The following PCNP variants were observed in gnomAD, a reference collection of about 807,000 sequenced individuals.
PCNP encodes the protein PEST proteolytic signal-containing nuclear protein.
Under a neutral mutation model 21.8 loss-of-function variants are expected in PCNP, and 6 were observed. The ratio of observed to expected loss-of-function variants is 0.28; its 90% CI spans 0.15 to 0.54. PCNP has a LOEUF of 0.54. Among genes scored for constraint, PCNP ranks in the 20% least tolerant of loss-of-function variants. The pLI, the probability that PCNP is intolerant of heterozygous loss-of-function variation, is 0.95. For synonymous variants in PCNP, 67 were observed against 73.2 expected (o/e 0.92, Z 0.43); for missense variants, 161 against 215.5 (o/e 0.75, Z 1.58).
At chr3:101,587,689 A>C (rs1935604810) in intron 3 of PCNP, among the ~76,000 whole-genome samples, 1 of 151,490 alleles carries the variant, frequency 6.6e-6, no homozygotes, top group Non-Finnish European at 1.5e-5. Context: ...GGAAGACCTG[A>C]ATTAAGTTTG....
At chr3:101,592,423 C>T (rs1935864039) in intron 4 of PCNP, among the ~76,000 whole-genome samples, 1 of 150,304 alleles carries the variant, frequency 6.7e-6, no homozygotes, top group Non-Finnish European at 1.5e-5. Flanking sequence ...ATCCACCTGC[C>T]TCGACCTCCC....
Position 101,592,792 on chromosome 3 carries a change from T to A in PCNP, c.*39T>A, listed in dbSNP as rs1935881975. On this transcript the variant is annotated 3_prime_UTR_variant, in exon 5 of 5. Coordinates refer to ENST00000265260, the MANE Select transcript of PCNP (RefSeq NM_020357.3). ...ATTGGGGTGTGGGGTGGGTGTAAAG[T>A]TAAAAGGAACAGTTTCCTTTTTTAA... 6.3e-6 allele frequency: 10 copies of A among 1,584,480 alleles called. No individual in the cohort carries two copies. The highest frequency in any genetic ancestry group is 8.6e-6 in the Non-Finnish European group (10 of 1,166,436).
At chr3:101,575,999 C>G (rs1026977617) in intron 1 of PCNP, among the ~76,000 whole-genome samples, 2 of 152,094 alleles carry the variant, frequency 1.3e-5, no homozygotes, top group Non-Finnish European at 2.9e-5. Context: ...GAAAGTAGTG[C>G]TGTTAAGTTT....
In PCNP at chr3:101,593,290, G is replaced by GTATT. The variant is rs1935909464; in HGVS notation, c.*538_*541dup. On this transcript the variant is annotated 3_prime_UTR_variant, in exon 5 of 5. Coordinates refer to ENST00000265260, the MANE Select transcript of PCNP (RefSeq NM_020357.3). ...TTTGTTTCAAGTCATCATAAACTAGGTATTGCATTGCTATCCGTGGATACA... is the reference window on the plus strand; with the variant it reads ...TTTGTTTCAAGTCATCATAAACTAGGTATTTATTGCATTGCTATCCGTGGATACA... The GTATT allele has an allele frequency of 6.6e-6, 1 of 152,476 alleles. No individual in the cohort carries two copies. The highest frequency in any genetic ancestry group is 1.5e-5 in the Non-Finnish European group (1 of 67,986). 9.4% of individuals were successfully genotyped at this position (152,476 alleles called of 1,614,324 possible).
intron 2 of PCNP, among the ~76,000 whole-genome samples, chr3:101,582,993 T>C (rs1390842840): frequency 1.3e-5 from 2 of 152,204 alleles, no homozygotes; most frequent in African/African-American, 4.8e-5. Context: ...CTTAGAAGCA[T>C]CACTATGGTA....
chr3:101,586,545 C>CGTGTGTGTCTGTGTGTGTGTGT (rs1935517694), intron 3 of PCNP, among the ~76,000 whole-genome samples: 1 of 99,826 alleles, frequency 1.0e-5, no homozygotes, highest in African/African-American at 3.1e-5. Context: ...GGCGTATATT[C>CGTGTGTGTCTGTGTGTGTGTGT]GTGTGTGTGT....
intron 3 of PCNP, chr3:101,589,986 G>A (rs1382898642): frequency 6.3e-6 from 3 of 478,454 alleles, no homozygotes; most frequent in Non-Finnish European, 1.1e-5. Context: ...GTTCTAGAAT[G>A]TTTGTTTTTT....
intron 1 of PCNP, among the ~76,000 whole-genome samples, chr3:101,577,184 G>A (rs1290027474): frequency 6.6e-6 from 1 of 152,206 alleles, no homozygotes; most frequent in Non-Finnish European, 1.5e-5. Flanking sequence ...TTAAATAATA[G>A]GGTAAAATTG....
chr3:101,580,531 T>C (rs997977971), intron 2 of PCNP, among the ~76,000 whole-genome samples: 3 of 152,166 alleles, frequency 2.0e-5, no homozygotes, highest in Admixed American at 2.0e-4. Flanking sequence ...AAAAATAATA[T>C]TGAGCAATCA....
chr3:101,579,960 A>G lies in PCNP; in HGVS notation c.235A>G (p.Thr79Ala), dbSNP rs140422252. 1 of 1,613,898 alleles carries G rather than the reference A, an allele frequency of 6.2e-7. No homozygotes were observed. Among genetic ancestry groups the G allele is most frequent in the Non-Finnish European group, 8.5e-7 (1 of 1,179,870 alleles). Residue 79 changes from threonine (T) to alanine (A), a missense_variant, in exon 2 of 5, where the codon ACG (threonine) becomes GCG (alanine). By Grantham distance (58) the Thr-to-Ala change is moderately conservative. This residue lies in a region of PCNP where 66 missense variants were observed against 127.8 expected (regional missense o/e 0.52). Transcript: ENST00000265260. Reference sequence around the variant, plus strand: ...GTTTGGATTTGCCATAGGTAGTCAGACGACAAAGAAAGCATCAGCCATATC... The same window carrying G: ...GTTTGGATTTGCCATAGGTAGTCAGGCGACAAAGAAAGCATCAGCCATATC... ...SKFGFAIGSQ[T>A]TKKASAISIK... is the part of the protein sequence containing the mutation.
Position 101,592,829 on chromosome 3 carries a change from A to C in PCNP, c.*76A>C, listed in dbSNP as rs1320356101. 4 of 1,325,306 alleles carry C rather than the reference A, an allele frequency of 3.0e-6. No homozygotes were observed. Among genetic ancestry groups the C allele is most frequent in the Non-Finnish European group, 4.0e-6 (4 of 988,914 alleles). 82.1% of individuals were successfully genotyped at this position (1,325,306 alleles called of 1,614,324 possible). A position where few individuals can be genotyped will look rare whatever the true frequency, so the allele number is the denominator to read the frequency against. On this transcript the variant is annotated 3_prime_UTR_variant, in exon 5 of 5. Transcript: ENST00000265260. ...GTTTCCTTTTTTAAAGAATGGTATAAGACTATCTTTGGAGCCGCTTTTTTT... is the reference window on the plus strand; with the variant it reads ...GTTTCCTTTTTTAAAGAATGGTATACGACTATCTTTGGAGCCGCTTTTTTT...
chr3:101,575,204 A>G (rs1934805913), intron 1 of PCNP, among the ~76,000 whole-genome samples: 1 of 152,162 alleles, frequency 6.6e-6, no homozygotes, highest in Non-Finnish European at 1.5e-5. Context: ...ATGTTTTTAG[A>G]ACATTTTAAA....
chr3:101,583,960 G>A (rs191615382), intron 2 of PCNP, among the ~76,000 whole-genome samples: 4 of 151,828 alleles, frequency 2.6e-5, no homozygotes, highest in South Asian at 2.1e-4. Flanking sequence ...CCCTGTGCCC[G>A]GCTAGGTGAT....
At chr3:101,589,515 A>G (rs1935698197) in intron 3 of PCNP, among the ~76,000 whole-genome samples, 1 of 151,966 alleles carries the variant, frequency 6.6e-6, no homozygotes, top group Non-Finnish European at 1.5e-5. Flanking sequence ...AATTCAAGCA[A>G]TTCTCCTGCC....
At chr3:101,578,716 C>T (rs962078769) in intron 1 of PCNP, among the ~76,000 whole-genome samples, 4 of 152,264 alleles carry the variant, frequency 2.6e-5, no homozygotes, top group Admixed American at 2.6e-4. Context: ...TAATCCTTTA[C>T]TTGTCAGTCT....
rs1367321423 is a variant in PCNP at position 101,594,407 on chromosome 3, A to G, written c.*1654A>G. ...AGAAATGACTGAGATGAATGTCTTTACTAAAGTACCAATAAATTTGTCAAA... is the reference window on the plus strand; with the variant it reads ...AGAAATGACTGAGATGAATGTCTTTGCTAAAGTACCAATAAATTTGTCAAA... On this transcript the variant is annotated 3_prime_UTR_variant, in exon 5 of 5. Transcript: ENST00000265260. 6.6e-6 allele frequency: 1 copy of G among 152,532 alleles called. No individual in the cohort carries two copies. Among genetic ancestry groups the G allele is most frequent in the Non-Finnish European group, 1.5e-5 (1 of 68,042 alleles). 9.4% of individuals were successfully genotyped at this position (152,532 alleles called of 1,614,324 possible).
rs73157320 is a variant in PCNP at position 101,586,613 on chromosome 3, G to A, written c.354+1102G>A. ...GAGTTTCTTGTTTCAGAGAGAGAGA[G>A]AGAGAGAGTGTGTCTTGCTTTGTTG... On this transcript the variant is annotated intron_variant, in intron 3 of 4. Coordinates refer to ENST00000265260, the MANE Select transcript of PCNP (RefSeq NM_020357.3). 5.7e-3 allele frequency among the ~76,000 whole-genome samples: 863 copies of A among 150,620 alleles called. 6 individuals are homozygous for A. Among genetic ancestry groups the A allele is most frequent in the Non-Finnish European group, 8.9e-3 (605 of 67,768 alleles).
chr3:101,586,590 GTTTC>G (rs1346833535), intron 3 of PCNP, among the ~76,000 whole-genome samples: 2 of 148,280 alleles, frequency 1.3e-5, no homozygotes, highest in East Asian at 2.0e-4. Flanking sequence ...GAGAGAGAGA[GTTTC>G]TTGTTTCAGA....
At chr3:101,576,891 G>A in intron 1 of PCNP, 1 of 1,606,172 alleles carries the variant, frequency 6.2e-7, no homozygotes, top group East Asian at 2.2e-5. Context: ...GCCCATCGAT[G>A]TTGGTGTTGA....
Sources: gnomAD v4.1 joint callset for allele counts (sites outside exome capture counted in the v4.1 genomes callset) on GRCh38, gnomAD v4.1.1 for gene constraint, gnomAD v4.1.1 regional missense constraint, MANE v1.5 for transcripts, NCBI Gene and HGNC (gene_info 2026-07-23, HGNC 2026-07-21) for gene names.